Variants in RAD51B observed in about 807,000 individuals in gnomAD.
RAD51B encodes DNA repair protein RAD51 homolog 2.
A neutral mutation model predicts 42.2 loss-of-function variants in RAD51B; 38 were observed. The observed-to-expected ratio is 0.90, with a 90% CI of 0.70 to 1.18. The LOEUF is 1.18. RAD51B is among the 50% of genes most tolerant of loss of function. RAD51B has a pLI of 0.00. For missense variants in RAD51B, 373 were observed against 400.7 expected, an observed-to-expected ratio of 0.93 and a Z score of 0.59; for synonymous variants, 154 against 145.2, an observed-to-expected ratio of 1.06 and a Z score of -0.43.
intron 7 of RAD51B, among the ~76,000 whole-genome samples, chr14:68,167,381 C>G (rs757594543): frequency 6.6e-6 from 1 of 152,188 alleles, no homozygotes; most frequent in Non-Finnish European, 1.5e-5. Flanking sequence ...TGTATCCCAT[C>G]ATACCCTGTA....
chr14:68,428,207 C>T (rs2084900986), intron 9 of RAD51B, among the ~76,000 whole-genome samples: 1 of 152,154 alleles, frequency 6.6e-6, no homozygotes, highest in Non-Finnish European at 1.5e-5. Flanking sequence ...ACAAAATGGA[C>T]TAAGACAATA....
At chr14:68,042,258 T>G (rs2140398261) in intron 7 of RAD51B, among the ~76,000 whole-genome samples, 1 of 152,350 alleles carries the variant, frequency 6.6e-6, no homozygotes, top group East Asian at 1.9e-4. Flanking sequence ...AGAAGTTGCA[T>G]CTATTCATGT....
rs201705512 is a variant in RAD51B, at chr14:68,281,067, G to GAA, written c.757-10808_757-10807dup. ...GCAAGAGCCTGTCTCAAAAAAAAATGAAAAAAAAAATAGAAGAAAAAGAAG... is the reference window on the plus strand; with the variant it reads ...GCAAGAGCCTGTCTCAAAAAAAAATGAAAAAAAAAAAATAGAAGAAAAAGAAG... On this transcript the variant is annotated intron_variant, in intron 7 of 10. Transcript: ENST00000471583. Among the ~76,000 whole-genome samples the GAA allele has an allele frequency of 9.4e-3, 1,378 of 145,860 alleles. 26 individuals are homozygous for GAA. The highest frequency in any genetic ancestry group is 0.057 in the East Asian group (286 of 5,020).
intron 8 of RAD51B, among the ~76,000 whole-genome samples, chr14:68,355,444 A>C (rs1420465298): frequency 6.6e-6 from 1 of 152,174 alleles, no homozygotes; most frequent in African/African-American, 2.4e-5. Context: ...TTTTGGGTCT[A>C]TTAGATTCTC....
chr14:68,574,334 C>T (rs1192738178), intron 10 of RAD51B, among the ~76,000 whole-genome samples: 2 of 152,168 alleles, frequency 1.3e-5, no homozygotes, highest in South Asian at 2.1e-4. Context: ...GCGATCCACC[C>T]GCCTTGGCCT....
At chr14:68,618,674 C>G (rs1566956668) in intron 10 of RAD51B, among the ~76,000 whole-genome samples, 1 of 152,178 alleles carries the variant, frequency 6.6e-6, no homozygotes, top group Non-Finnish European at 1.5e-5. Context: ...CCATCTACTG[C>G]CCAGTAATTG....
At chr14:68,397,740 C>T (rs11625452) in intron 8 of RAD51B, among the ~76,000 whole-genome samples, 66,076 of 151,904 alleles carry the variant, frequency 0.43, 15,897 homozygotes, top group Admixed American at 0.58. Context: ...CCTCAGAAAG[C>T]CGGGTCCAGA....
At chr14:68,469,522 A>AT (rs1042036831) in intron 10 of RAD51B, among the ~76,000 whole-genome samples, 1 of 151,692 alleles carries the variant, frequency 6.6e-6, no homozygotes, top group African/African-American at 2.4e-5. Context: ...CTTGGTAAAT[A>AT]TTTTTTTTTA....
intron 10 of RAD51B, among the ~76,000 whole-genome samples, chr14:68,582,959 A>G (rs888041702): frequency 2.6e-5 from 4 of 152,104 alleles, no homozygotes; most frequent in Admixed American, 6.5e-5. Context: ...ACAATAACAC[A>G]TGGACACAGG....
intron 9 of RAD51B, among the ~76,000 whole-genome samples, chr14:68,430,278 TG>T (rs2084967130): frequency 6.6e-6 from 1 of 152,254 alleles, no homozygotes; most frequent in Non-Finnish European, 1.5e-5. Context: ...TTTCCAATTC[TG>T]TGAAGAAAGT....
At chr14:68,568,912 C>T (rs371733843) in intron 10 of RAD51B, among the ~76,000 whole-genome samples, 1 of 152,228 alleles carries the variant, frequency 6.6e-6, no homozygotes, top group East Asian at 1.9e-4. Context: ...TTTCTTCCCC[C>T]TGCATGGCTT....
chr14:68,667,094 A>G (rs1371397603), intron 11 of RAD51B, among the ~76,000 whole-genome samples: 1 of 152,246 alleles, frequency 6.6e-6, no homozygotes. Flanking sequence ...ATGTAGATGT[A>G]TCTAGAGAGA....
intron 7 of RAD51B, among the ~76,000 whole-genome samples, chr14:67,991,525 C>T (rs532730992): frequency 1.1e-4 from 16 of 152,092 alleles, no homozygotes; most frequent in East Asian, 9.7e-4. Context: ...TATAAAAATA[C>T]GGTTATGTTG....
chr14:68,204,895 A>G, intron 7 of RAD51B, among the ~76,000 whole-genome samples: 1 of 152,226 alleles, frequency 6.6e-6, no homozygotes, highest in East Asian at 1.9e-4. Flanking sequence ...TTGTATAAAA[A>G]TATTTATTCA....
chr14:68,372,088 CA>C (rs2083276838), intron 8 of RAD51B, among the ~76,000 whole-genome samples: 1 of 152,024 alleles, frequency 6.6e-6, no homozygotes, highest in Admixed American at 6.6e-5. Context: ...TTCTGGAAGC[CA>C]AGTGAAGCTA....
At chr14:67,860,888 A>T (rs2042142397) in intron 4 of RAD51B, among the ~76,000 whole-genome samples, 1 of 152,082 alleles carries the variant, frequency 6.6e-6, no homozygotes, top group Non-Finnish European at 1.5e-5. Context: ...AATGTTGTTA[A>T]TTTTTCTTAA....
At chr14:67,856,231 A>T (rs1287135829) in intron 4 of RAD51B, among the ~76,000 whole-genome samples, 2 of 152,124 alleles carry the variant, frequency 1.3e-5, no homozygotes, top group African/African-American at 4.8e-5. Context: ...AGCTGTCAAT[A>T]TGAAAAAGGA....
At chr14:68,274,473 C>T (rs2081182136) in intron 7 of RAD51B, among the ~76,000 whole-genome samples, 2 of 152,254 alleles carry the variant, frequency 1.3e-5, no homozygotes, top group Non-Finnish European at 2.9e-5. Flanking sequence ...ATTAACAATT[C>T]ATTAATATCA....
intron 7 of RAD51B, among the ~76,000 whole-genome samples, chr14:67,972,003 G>A (rs900491917): frequency 6.6e-6 from 1 of 150,430 alleles, no homozygotes; most frequent in Admixed American, 6.7e-5. Flanking sequence ...CCACATTTTT[G>A]TGGGGGCACA....
Sources: allele counts gnomAD v4.1 joint callset (sites outside exome capture counted in the v4.1 genomes callset), GRCh38; gene constraint gnomAD v4.1.1; transcripts MANE v1.5; gene names NCBI Gene and HGNC (gene_info 2026-07-23, HGNC 2026-07-21).